The following CADPS variants were observed in gnomAD, a reference collection of about 807,000 sequenced individuals.
CADPS encodes the protein calcium-dependent secretion activator 1.
CADPS carries 57 observed loss-of-function variants against 167.3 expected under a neutral mutation model. That is an observed-to-expected ratio of 0.34 (90% confidence interval 0.28 to 0.42). CADPS has a LOEUF of 0.42. Among genes scored for constraint, CADPS ranks in the 20% least tolerant of loss-of-function variants. The pLI, the probability that CADPS is intolerant of heterozygous loss-of-function variation, is 1.00. For synonymous variants in CADPS, 676 were observed against 635.3 expected (o/e 1.06, Z -0.96); for missense variants, 1,414 against 1,738.1 (o/e 0.81, Z 3.32).
rs1339897321 is a variant in CADPS at position 62,475,596 on chromosome 3, A to AC, written c.3330-1277_3330-1276insG. Among the ~76,000 whole-genome samples, 484 of 144,932 alleles carry AC rather than the reference A, an allele frequency of 3.3e-3. 1 individual carries two copies. The highest frequency in any genetic ancestry group is 4.9e-3 in the African/African-American group (192 of 38,938). ...GCCCAGTTCTTAAGAAAAAAAAAAA[A>AC]AAAAAAAAAAAAAAAACACCTAAAA... On this transcript the variant is annotated intron_variant, in intron 23 of 29. Coordinates refer to ENST00000383710, the MANE Select transcript of CADPS (RefSeq NM_003716.4).
chr3:62,571,756 G>T lies in CADPS; in HGVS notation c.1578-818C>A, dbSNP rs538857009. ...ATTTTGTATTTTTGATAGAGATGGGGTTTCACCATGTTGGTCAGGCTGGTC... is the reference window on the plus strand; with the variant it reads ...ATTTTGTATTTTTGATAGAGATGGGTTTTCACCATGTTGGTCAGGCTGGTC... On this transcript the variant is annotated intron_variant, in intron 8 of 29. Transcript: ENST00000383710. Among the ~76,000 whole-genome samples the T allele has an allele frequency of 9.3e-4, 142 of 152,190 alleles. 1 individual carries two copies. The highest frequency in any genetic ancestry group is 3.2e-3 in the African/African-American group (134 of 41,550).
intron 3 of CADPS, among the ~76,000 whole-genome samples, chr3:62,751,675 C>T (rs911150381): frequency 5.3e-5 from 8 of 152,162 alleles, no homozygotes; most frequent in African/African-American, 1.7e-4. Flanking sequence ...CCCGTCTTAG[C>T]CTCCCAAAGT....
At position 62,874,696 on chromosome 3, in the gene CADPS, C is replaced by T. The variant is rs1226398589; in HGVS notation, c.334G>A (p.Glu112Lys). 1.9e-6 allele frequency: 3 copies of T among 1,552,546 alleles called. No homozygotes were observed. The highest frequency in any genetic ancestry group is 2.4e-5 in the South Asian group (2 of 84,226). ...KEELERLQKE[E>K]EERKKRLQLY... ...TGCAGCCTCTTCTTCCTCTCCTCCT[C>T]CTCTTTCTGCAGCCGCTCCAACTCT... Residue 112 changes from glutamate (E) to lysine (K), a missense_variant, in exon 1 of 30, where the codon GAG (glutamate) becomes AAG (lysine). Coordinates refer to ENST00000383710, the MANE Select transcript of CADPS (RefSeq NM_003716.4). This position sits in a 1 kb window ranked among gnomAD's most constrained non-coding sequence, Gnocchi z 7.1.
chr3:62,615,014 T>A (rs948531386), intron 6 of CADPS, among the ~76,000 whole-genome samples: 1 of 152,142 alleles, frequency 6.6e-6, no homozygotes, highest in Non-Finnish European at 1.5e-5. Context: ...GTTAGCAATA[T>A]GTGATTTAGG....
chr3:62,478,392 A>G lies in CADPS; in HGVS notation c.3198T>C (p.Asp1066=), dbSNP rs2061573503. 1 of 1,613,632 alleles carries G rather than the reference A, an allele frequency of 6.2e-7. No homozygotes were observed. The highest frequency in any genetic ancestry group is 1.3e-5 in the African/African-American group (1 of 74,898). The change falls in exon 23 of 30, where the codon GAT becomes GAC. Residue 1066 remains aspartate, a synonymous_variant. Coordinates refer to ENST00000383710, the MANE Select transcript of CADPS (RefSeq NM_003716.4). This position sits in a 1 kb window ranked among gnomAD's most constrained non-coding sequence, Gnocchi z 5.7. Reference sequence around the variant, plus strand: ...GAAGGGCGTCAAGTTTCCAAAACAGATCTTCTGAGGTGCCTGACCCATTAC... The same window carrying G: ...GAAGGGCGTCAAGTTTCCAAAACAGGTCTTCTGAGGTGCCTGACCCATTAC... The part of the protein sequence containing the change: ...DADNGSGTSE[D]LFWKLDALQT...
chr3:62,692,103 G>A (rs1351958112), intron 3 of CADPS, among the ~76,000 whole-genome samples: 1 of 151,794 alleles, frequency 6.6e-6, no homozygotes, highest in African/African-American at 2.4e-5. Context: ...CTTGAAATAT[G>A]GATGATGGTA....
intron 13 of CADPS, among the ~76,000 whole-genome samples, chr3:62,522,979 G>A (rs138330982): frequency 9.9e-5 from 15 of 152,168 alleles, no homozygotes; most frequent in African/African-American, 3.6e-4. Flanking sequence ...GGGCATCTCC[G>A]GAATCCACCT....
chr3:62,613,219 A>T (rs1240807490), intron 6 of CADPS, among the ~76,000 whole-genome samples: 3 of 152,184 alleles, frequency 2.0e-5, no homozygotes, highest in Non-Finnish European at 4.4e-5. Context: ...GAAGGAAGCG[A>T]TCTACTTAAA....
chr3:62,630,971 C>T (rs2065159771), intron 6 of CADPS, among the ~76,000 whole-genome samples: 1 of 151,854 alleles, frequency 6.6e-6, no homozygotes, highest in Non-Finnish European at 1.5e-5. Flanking sequence ...TTCCCAAGTG[C>T]CTAAATTTTC....
chr3:62,498,903 T>C (rs1031593134), intron 18 of CADPS, among the ~76,000 whole-genome samples: 2 of 152,196 alleles, frequency 1.3e-5, no homozygotes, highest in South Asian at 4.1e-4. Context: ...TGATTAACTT[T>C]AAAAAGCACT....
At chr3:62,716,758 A>G (rs369460405) in intron 3 of CADPS, among the ~76,000 whole-genome samples, 11 of 152,322 alleles carry the variant, frequency 7.2e-5, no homozygotes, top group African/African-American at 2.4e-4. Context: ...ACTAACGCCT[A>G]TCATGTAGTT....
intron 26 of CADPS, among the ~76,000 whole-genome samples, chr3:62,454,868 A>C (rs2058500898): frequency 6.6e-6 from 1 of 152,176 alleles, no homozygotes; most frequent in Non-Finnish European, 1.5e-5. Flanking sequence ...TATCATAGTA[A>C]TGAGGGTAGT....
At chr3:62,413,607 G>T (rs922288975) in intron 28 of CADPS, among the ~76,000 whole-genome samples, 1 of 152,178 alleles carries the variant, frequency 6.6e-6, no homozygotes, top group African/African-American at 2.4e-5. Flanking sequence ...GGGGCTAAGG[G>T]GAGGGGTAAA....
chr3:62,529,022 G>A (rs572637189), intron 13 of CADPS, among the ~76,000 whole-genome samples: 1 of 152,032 alleles, frequency 6.6e-6, no homozygotes, highest in Non-Finnish European at 1.5e-5. Context: ...TTAGCGGGGC[G>A]TGGTGGCAGT....
At chr3:62,792,133 G>A (rs957004591) in intron 1 of CADPS, among the ~76,000 whole-genome samples, 2 of 151,958 alleles carry the variant, frequency 1.3e-5, no homozygotes, top group African/African-American at 2.4e-5. Context: ...ACTTCAGTAC[G>A]GACATATTGT....
intron 24 of CADPS, among the ~76,000 whole-genome samples, chr3:62,471,257 C>G (rs764485726): frequency 6.6e-6 from 1 of 152,144 alleles, no homozygotes; most frequent in Non-Finnish European, 1.5e-5. Flanking sequence ...GGTCATTCTA[C>G]CTTGGCCCAG....
chr3:62,412,003 G>A lies in CADPS; in HGVS notation c.3778-8818C>T, dbSNP rs543699566. On this transcript the variant is annotated intron_variant, in intron 28 of 29. Transcript: ENST00000383710. The surrounding 1 kb of genome is among the most constrained non-coding windows in gnomAD (Gnocchi z 4.1). ...TTTCCCAGTCACAGCTTCAGGACGC[G>A]CAGCTAACAGCACAAAGCTATAATC... 2.0e-5 allele frequency among the ~76,000 whole-genome samples: 3 copies of A among 152,216 alleles called. No homozygotes were observed. Among genetic ancestry groups the A allele is most frequent in the Admixed American group, 6.5e-5 (1 of 15,288 alleles).
chr3:62,783,040 G>T (rs946015778), intron 1 of CADPS, among the ~76,000 whole-genome samples: 4 of 152,260 alleles, frequency 2.6e-5, no homozygotes, highest in Non-Finnish European at 4.4e-5. Flanking sequence ...GATTACAGGC[G>T]TGAGCCATTG....
At chr3:62,810,751 T>G (rs2094355458) in intron 1 of CADPS, among the ~76,000 whole-genome samples, 1 of 152,218 alleles carries the variant, frequency 6.6e-6, no homozygotes, top group Non-Finnish European at 1.5e-5. Context: ...GAGCCTCCTC[T>G]GCTGAATATC....
Sources: allele counts gnomAD v4.1 joint callset (sites outside exome capture counted in the v4.1 genomes callset), GRCh38; gene constraint gnomAD v4.1.1; non-coding constraint Gnocchi (gnomAD v3.1); transcripts MANE v1.5; gene names NCBI Gene and HGNC (gene_info 2026-07-23, HGNC 2026-07-21).